The following EYS variants were observed in gnomAD, a reference collection of about 807,000 sequenced individuals.
EYS encodes protein eyes shut homolog.
Under a neutral mutation model 282.1 loss-of-function variants are expected in EYS, and 250 were observed. That is an observed-to-expected ratio of 0.89 (90% CI 0.80 to 0.98). The LOEUF (loss-of-function observed/expected upper bound fraction) is 0.98, where lower values mean the gene tolerates loss of function less well. Among genes scored for constraint, EYS ranks in the 50% least tolerant of loss-of-function variants. EYS has a pLI of 0.00. For synonymous variants in EYS, 1,355 were observed against 1,282.9 expected (o/e 1.06, Z -1.20); for missense variants, 4,016 against 3,709.0 (o/e 1.08, Z -2.15).
chr6:63,838,019 T>C (rs1771852557), intron 36 of EYS, among the ~76,000 whole-genome samples: 1 of 152,184 alleles, frequency 6.6e-6, no homozygotes, highest in Admixed American at 6.6e-5. Context: ...TTAATTAATT[T>C]TGTTTTACTC....
intron 2 of EYS, among the ~76,000 whole-genome samples, chr6:65,505,206 T>G (rs184771112): frequency 6.6e-6 from 1 of 151,996 alleles, no homozygotes; most frequent in East Asian, 1.9e-4. Context: ...GTTTTTAGTA[T>G]CCTTTTATAT....
chr6:63,869,237 G>T (rs1476054925), intron 35 of EYS, among the ~76,000 whole-genome samples: 2 of 152,040 alleles, frequency 1.3e-5, no homozygotes, highest in Non-Finnish European at 2.9e-5. Flanking sequence ...ACATAAAATG[G>T]AAAATCCATA....
rs1304028970 is a variant in EYS, at chr6:64,244,508, G to A, written c.6192-13684C>T. On this transcript the variant is annotated intron_variant, in intron 30 of 42. Coordinates refer to ENST00000503581, the MANE Select transcript of EYS (RefSeq NM_001142800.2). ...TAAAGAATCGTTTTTATTCATCTAG[G>A]TTAGGTTGTTTTACAGGGGGCTTTT... Among the ~76,000 whole-genome samples, 3 of 152,106 alleles carry A rather than the reference G, an allele frequency of 2.0e-5. No individual in the cohort carries two copies. In the East Asian group the frequency reaches 5.8e-4, roughly 29 times the overall value.
intron 33 of EYS, among the ~76,000 whole-genome samples, chr6:64,028,361 C>G (rs1429062871): frequency 6.6e-6 from 1 of 152,194 alleles, no homozygotes; most frequent in Non-Finnish European, 1.5e-5. Flanking sequence ...AAGCTCAAGG[C>G]TTAGTAAGGA....
intron 7 of EYS, 77 bp from the exon 8 acceptor site, chr6:65,384,577 A>G: frequency 1.3e-6 from 1 of 751,786 alleles, no homozygotes; most frequent in Non-Finnish European, 2.3e-6. Context: ...TTATTCCAAA[A>G]GGAATAAGGC....
intron 13 of EYS, among the ~76,000 whole-genome samples, chr6:65,046,442 C>T (rs1773103666): frequency 6.6e-6 from 1 of 151,748 alleles, no homozygotes; most frequent in Non-Finnish European, 1.5e-5. Flanking sequence ...TATAGCTTTC[C>T]TTATTATTAT....
At chr6:64,931,036 A>G (rs980822464) in intron 15 of EYS, among the ~76,000 whole-genome samples, 2 of 152,094 alleles carry the variant, frequency 1.3e-5, no homozygotes, top group African/African-American at 4.8e-5. Flanking sequence ...CGCTAGCCCA[A>G]TTTGCTTTTT....
intron 31 of EYS, among the ~76,000 whole-genome samples, chr6:64,112,975 C>A (rs1773257548): frequency 1.3e-5 from 2 of 151,800 alleles, no homozygotes; most frequent in Non-Finnish European, 2.9e-5. Context: ...AATGCAATTA[C>A]AACAATGTAG....
intron 5 of EYS, among the ~76,000 whole-genome samples, chr6:65,485,952 A>C (rs1473918103): frequency 1.3e-5 from 2 of 152,242 alleles, no homozygotes; most frequent in Non-Finnish European, 2.9e-5. Context: ...AGGACATCTG[A>C]CAATATTGGT....
intron 24 of EYS, among the ~76,000 whole-genome samples, chr6:64,600,602 T>C (rs1463022096): frequency 1.3e-5 from 2 of 152,138 alleles, no homozygotes; most frequent in African/African-American, 2.4e-5. Context: ...ATAATAATTA[T>C]AGTTTTTAAC....
chr6:65,558,867 G>A (rs1473778), intron 2 of EYS, among the ~76,000 whole-genome samples: 82,888 of 151,990 alleles, frequency 0.55, 22,591 homozygotes, highest in East Asian at 0.7. Flanking sequence ...AACTCCAGAA[G>A]AGTCACAACC....
intron 33 of EYS, among the ~76,000 whole-genome samples, chr6:64,061,912 C>A (rs1157465871): frequency 1.3e-5 from 2 of 151,494 alleles, no homozygotes; most frequent in Non-Finnish European, 2.9e-5. Flanking sequence ...ATCACTTGAA[C>A]CTGGAAGTTG....
At chr6:65,133,867 C>T (rs1775950570) in intron 12 of EYS, among the ~76,000 whole-genome samples, 1 of 151,540 alleles carries the variant, frequency 6.6e-6, no homozygotes, top group African/African-American at 2.4e-5. Context: ...TTGCAAACTG[C>T]AACTGACAAA....
chr6:63,887,697 A>G (rs944017651), intron 35 of EYS, among the ~76,000 whole-genome samples: 3 of 152,110 alleles, frequency 2.0e-5, no homozygotes, highest in Admixed American at 1.3e-4. Flanking sequence ...CCACGTCACC[A>G]GGGCCCTAGG....
chr6:64,561,193 T>A (rs1286132054), intron 26 of EYS, among the ~76,000 whole-genome samples: 1 of 152,114 alleles, frequency 6.6e-6, no homozygotes. Context: ...GTAAGAGTCA[T>A]CTATGACAAA....
intron 21 of EYS, among the ~76,000 whole-genome samples, chr6:64,820,553 C>A (rs1280707112): frequency 6.6e-6 from 1 of 152,062 alleles, no homozygotes; most frequent in Admixed American, 6.6e-5. Context: ...CTATCCAGAA[C>A]AAAATAAACA....
intron 35 of EYS, among the ~76,000 whole-genome samples, chr6:63,980,852 C>T (rs1183981635): frequency 2.6e-5 from 4 of 151,830 alleles, no homozygotes; most frequent in Non-Finnish European, 5.9e-5. Context: ...TGGAGAAATC[C>T]ACTTTATGAT....
chr6:64,694,158 T>A (rs1770495748), intron 22 of EYS, among the ~76,000 whole-genome samples: 1 of 152,162 alleles, frequency 6.6e-6, no homozygotes, highest in African/African-American at 2.4e-5. Flanking sequence ...TTGTTGGGTT[T>A]TTTCCCCAAG....
intron 2 of EYS, among the ~76,000 whole-genome samples, chr6:65,620,114 G>A (rs1445069529): frequency 6.6e-6 from 1 of 152,172 alleles, no homozygotes; most frequent in Non-Finnish European, 1.5e-5. Flanking sequence ...GATTGGAATA[G>A]TTTCAGAAGG....
Sources: gnomAD v4.1 joint callset for allele counts (sites outside exome capture counted in the v4.1 genomes callset) on GRCh38, gnomAD v4.1.1 for gene constraint, MANE v1.5 for transcripts, NCBI Gene and HGNC (gene_info 2026-07-23, HGNC 2026-07-21) for gene names.